The following TAFA1 variants were observed in gnomAD, a reference collection of about 807,000 sequenced individuals.
TAFA1 encodes TAFA chemokine like family member 1, also known as chemokine-like protein TAFA-1.
TAFA1 carries 4 observed loss-of-function variants against 18.5 expected under a neutral mutation model. The observed-to-expected ratio is 0.22, with a 90% CI of 0.11 to 0.49. TAFA1 has a LOEUF of 0.49. Ranked by LOEUF, TAFA1 falls within the 20% of genes least tolerant of loss-of-function variation. The probability of loss-of-function intolerance (pLI) is 0.98; values close to 1 mark genes in which losing one functional copy is unlikely to be tolerated. For missense variants in TAFA1, 147 were observed against 169.0 expected, an observed-to-expected ratio of 0.87 and a Z score of 0.72; for synonymous variants, 56 against 55.2, an observed-to-expected ratio of 1.01 and a Z score of -0.06.
intron 3 of TAFA1, among the ~76,000 whole-genome samples, chr3:68,522,339 A>G (rs1575947969): frequency 6.6e-6 from 1 of 152,180 alleles, no homozygotes; most frequent in South Asian, 2.1e-4. Context: ...TAAGATGTCA[A>G]AAGTCTCTAC....
At position 68,208,835 on chromosome 3, in the gene TAFA1, C is replaced by T. The variant is rs369181823; in HGVS notation, c.118+202091C>T. Among the ~76,000 whole-genome samples, 348 of 152,074 alleles carry T rather than the reference C, an allele frequency of 2.3e-3. 2 individuals carry two copies. The highest frequency in any genetic ancestry group is 8.1e-3 in the African/African-American group (335 of 41,520). On this transcript the variant is annotated intron_variant, in intron 2 of 4. Transcript: ENST00000478136. ...ATCTAAGATGCCCCCAAGGTTCTCA[C>T]TACTTAGTGTGCTCTGAATAAGCGC...
At chr3:68,127,022 C>T (rs966737998) in intron 2 of TAFA1, among the ~76,000 whole-genome samples, 1 of 152,176 alleles carries the variant, frequency 6.6e-6, no homozygotes, top group African/African-American at 2.4e-5. Context: ...ATTGATGTTA[C>T]TATGTAGCCT....
intron 2 of TAFA1, among the ~76,000 whole-genome samples, chr3:68,194,820 T>C (rs966561581): frequency 4.6e-5 from 7 of 151,764 alleles, no homozygotes; most frequent in African/African-American, 1.4e-4. Flanking sequence ...TCTCATAGGG[T>C]TGGTGTGAGG....
intron 2 of TAFA1, among the ~76,000 whole-genome samples, chr3:68,127,670 ATGG>A (rs1243694955): frequency 5.0e-3 from 5 of 1,008 alleles, no homozygotes; most frequent in African/African-American, 9.9e-3. Flanking sequence ...TGGTGTGATG[ATGG>A]TGGTGGTGGT....
intron 2 of TAFA1, among the ~76,000 whole-genome samples, chr3:68,123,878 CAAAAAAAAAA>C (rs758966848): frequency 7.3e-4 from 53 of 72,120 alleles, no homozygotes; most frequent in East Asian, 5.2e-3. Context: ...CTTTTTTTTC[CAAAAAAAAAA>C]AAAAAAAAAA....
chr3:68,077,825 G>GT (rs1206613329), intron 2 of TAFA1, among the ~76,000 whole-genome samples: 3 of 151,926 alleles, frequency 2.0e-5, no homozygotes, highest in Admixed American at 1.3e-4. Context: ...CTTTAAAGTA[G>GT]TTTTTTTCCA....
intron 2 of TAFA1, among the ~76,000 whole-genome samples, chr3:68,204,107 T>G (rs2066498955): frequency 6.6e-6 from 1 of 151,716 alleles, no homozygotes; most frequent in Non-Finnish European, 1.5e-5. Flanking sequence ...ATTCTCTGTA[T>G]CCACCTATCT....
intron 2 of TAFA1, among the ~76,000 whole-genome samples, chr3:68,072,324 G>A (rs1418823900): frequency 6.6e-6 from 1 of 152,146 alleles, no homozygotes; most frequent in African/African-American, 2.4e-5. Flanking sequence ...TACGGGAAGT[G>A]AGGTTAGAGA....
chr3:68,273,854 A>G (rs768495953), intron 2 of TAFA1, among the ~76,000 whole-genome samples: 1 of 152,256 alleles, frequency 6.6e-6, no homozygotes, highest in South Asian at 2.1e-4. Flanking sequence ...CCTAGGACTC[A>G]GTTTCACTGT....
chr3:68,166,148 G>A (rs58003274), intron 2 of TAFA1, among the ~76,000 whole-genome samples: 6,192 of 152,272 alleles, frequency 0.041, 148 homozygotes, highest in Middle Eastern at 0.082. Flanking sequence ...GCCAGAGATC[G>A]GAGACTGAAC....
At chr3:68,158,427 G>A (rs563339130) in intron 2 of TAFA1, among the ~76,000 whole-genome samples, 1 of 152,040 alleles carries the variant, frequency 6.6e-6, no homozygotes, top group African/African-American at 2.4e-5. Context: ...TGTATGACTT[G>A]CTCATGAAGC....
At chr3:68,018,930 G>A (rs568316858) in intron 2 of TAFA1, among the ~76,000 whole-genome samples, 1 of 152,184 alleles carries the variant, frequency 6.6e-6, no homozygotes, top group East Asian at 1.9e-4. Flanking sequence ...ATGACATTTG[G>A]TCTGAACCAA....
At chr3:68,067,397 A>G (rs1376218562) in intron 2 of TAFA1, among the ~76,000 whole-genome samples, 1 of 151,986 alleles carries the variant, frequency 6.6e-6, no homozygotes, top group African/African-American at 2.4e-5. Flanking sequence ...TACTTCCCCA[A>G]TGACCACAAT....
intron 2 of TAFA1, among the ~76,000 whole-genome samples, chr3:68,245,270 T>C (rs760021447): frequency 6.6e-6 from 1 of 152,234 alleles, no homozygotes; most frequent in Non-Finnish European, 1.5e-5. Flanking sequence ...AGCACAGTTT[T>C]GCTCCCTTTT....
At chr3:68,183,708 T>C (rs1461752930) in intron 2 of TAFA1, among the ~76,000 whole-genome samples, 2 of 152,174 alleles carry the variant, frequency 1.3e-5, no homozygotes, top group Non-Finnish European at 2.9e-5. Context: ...TGTGTGGTGA[T>C]TTCCAACCCA....
intron 2 of TAFA1, among the ~76,000 whole-genome samples, chr3:68,190,766 T>C (rs2107012172): frequency 6.6e-6 from 1 of 151,998 alleles, no homozygotes; most frequent in Non-Finnish European, 1.5e-5. Flanking sequence ...AAGTTTTTTT[T>C]CTTAAAATAT....
chr3:68,326,708 C>T (rs937750569), intron 2 of TAFA1, among the ~76,000 whole-genome samples: 14 of 152,232 alleles, frequency 9.2e-5, no homozygotes, highest in Middle Eastern at 3.4e-3. Context: ...ATTTGAAAAG[C>T]CCTTATTATC....
In TAFA1 at chr3:68,257,440, T is replaced by C. The variant is rs201437957; in HGVS notation, c.119-159840T>C. 2.0e-4 allele frequency among the ~76,000 whole-genome samples: 30 copies of C among 151,190 alleles called. 1 individual carries two copies. The East Asian group carries it at 5.8e-3, about 29-fold the overall frequency. On this transcript the variant is annotated intron_variant, in intron 2 of 4. Transcript: ENST00000478136. ...TAAAGCCATGGACGGTGTCCATCTT[T>C]TTTTTTTTTTTAAGTGCTGTACTCT...
At chr3:68,508,182 G>T (rs928853116) in intron 3 of TAFA1, among the ~76,000 whole-genome samples, 4 of 151,756 alleles carry the variant, frequency 2.6e-5, no homozygotes, top group African/African-American at 9.7e-5. Context: ...GTTTTCTGAT[G>T]TGTTTTCTTA....
Sources: gnomAD v4.1 joint callset for allele counts (sites outside exome capture counted in the v4.1 genomes callset) on GRCh38, gnomAD v4.1.1 for gene constraint, MANE v1.5 for transcripts, NCBI Gene and HGNC (gene_info 2026-07-23, HGNC 2026-07-21) for gene names.